Variants in LRIT1 observed in about 807,000 individuals in gnomAD.
LRIT1 encodes leucine-rich repeat, immunoglobulin-like domain and transmembrane domain-containing protein 1.
Under a neutral mutation model 24.0 loss-of-function variants are expected in LRIT1, and 23 were observed. The observed-to-expected ratio is 0.96, with a 90% CI of 0.69 to 1.36. The LOEUF (loss-of-function observed/expected upper bound fraction) is 1.36. Among genes scored for constraint, LRIT1 ranks in the 40% most tolerant of loss-of-function variants. LRIT1 has a pLI of 0.00. For missense variants in LRIT1, 846 were observed against 806.3 expected, an observed-to-expected ratio of 1.05 and a Z score of -0.60; for synonymous variants, 361 against 340.5, an observed-to-expected ratio of 1.06 and a Z score of -0.66.
chr10:84,240,012 G>T (rs12049676), intron 1 of LRIT1, among the ~76,000 whole-genome samples: 6 of 152,322 alleles, frequency 3.9e-5, no homozygotes, highest in Middle Eastern at 6.8e-3. Flanking sequence ...TTACATTAGC[G>T]GCCCTAGAAA....
chr10:84,241,188 A>C (rs1275151948), intron 1 of LRIT1, 130 bp downstream of exon 1: 4 of 1,353,032 alleles, frequency 3.0e-6, no homozygotes, highest in Admixed American at 3.9e-5. Context: ...ACCCCATAGG[A>C]TCCCTGGTCC....
Position 84,237,210 on chromosome 10 carries a change from C to T in LRIT1, c.589+10G>A, listed in dbSNP as rs1188782643. On this transcript the variant is annotated intron_variant, in intron 2 of 3. Transcript: ENST00000372105. The stretch of plus-strand genomic sequence containing the variant: ...GCCTAAGACCCCAGGTGAAGGTTGC[C>T]GACCCTTACCTAGGACCCGCCTGGG... The T allele has an allele frequency of 5.2e-6, 8 of 1,546,692 alleles. No individual in the cohort carries two copies. In the East Asian group the frequency reaches 7.3e-5, roughly 14 times the overall value.
At chr10:84,239,437 C>T (rs982894096) in intron 1 of LRIT1, among the ~76,000 whole-genome samples, 1 of 152,100 alleles carries the variant, frequency 6.6e-6, no homozygotes, top group African/African-American at 2.4e-5. Context: ...AGAGCAAGAC[C>T]CTGTCTCAAA....
At chr10:84,234,890 C>T (rs1292283252) in intron 2 of LRIT1, among the ~76,000 whole-genome samples, 1 of 152,164 alleles carries the variant, frequency 6.6e-6, no homozygotes. Flanking sequence ...AGCAGGGTGA[C>T]AGGGCCAGAA....
In LRIT1 at chr10:84,236,515, A is replaced by G. The variant is rs78144179; in HGVS notation, c.589+705T>C. ...CATTTGTAGTAATTTAGAAAGATCT[A>G]CGAGATATAGTGTTGGGTCAAAAAG... is the stretch of plus-strand genomic sequence containing the variant. On this transcript the variant is annotated intron_variant, in intron 2 of 3. Transcript: ENST00000372105. Among the ~76,000 whole-genome samples the G allele has an allele frequency of 3.4e-3, 512 of 152,362 alleles. 3 individuals carry two copies. The highest frequency in any genetic ancestry group is 0.012 in the African/African-American group (482 of 41,586).
intron 3 of LRIT1, 78 bp downstream of exon 3, chr10:84,233,995 T>C: frequency 1.5e-6 from 2 of 1,353,212 alleles, no homozygotes; most frequent in East Asian, 5.1e-5. Flanking sequence ...CCTCTGGCCC[T>C]GCCAAATCCC....
Position 84,231,841 on chromosome 10 carries a change from G to T in LRIT1, c.*86C>A. The T allele has an allele frequency of 6.9e-7, 1 of 1,456,170 alleles. No homozygotes were observed. The highest frequency in any genetic ancestry group is 9.2e-7 in the Non-Finnish European group (1 of 1,084,346). 90.2% of individuals were successfully genotyped at this position (1,456,170 alleles called of 1,614,324 possible). A position where few individuals can be genotyped will look rare whatever the true frequency, so the allele number is the denominator to read the frequency against. ...TCTGAGTAAGCAGGTACCCGAGCAG[G>T]TAAGAGTGGGTGATCGTGTACTCAG... On this transcript the variant is annotated 3_prime_UTR_variant, in exon 4 of 4. Transcript: ENST00000372105.
chr10:84,234,016 G>A (rs748999965), intron 3 of LRIT1, 57 bp downstream of exon 3: 22 of 1,366,418 alleles, frequency 1.6e-5, no homozygotes, highest in Non-Finnish European at 1.8e-5. Flanking sequence ...CATTTGGGGA[G>A]CTGCTTTGCC....
At chr10:84,233,303 G>A (rs1842618870) in intron 3 of LRIT1, among the ~76,000 whole-genome samples, 1 of 152,000 alleles carries the variant, frequency 6.6e-6, no homozygotes, top group Admixed American at 6.6e-5. Flanking sequence ...TGAGTAGCTG[G>A]GACCACAGGC....
At chr10:84,238,536 A>G (rs1842670541) in intron 1 of LRIT1, among the ~76,000 whole-genome samples, 2 of 152,124 alleles carry the variant, frequency 1.3e-5, no homozygotes, top group Admixed American at 6.6e-5. Context: ...TGGCAGCCCC[A>G]CAGCTGGATT....
Position 84,231,964 on chromosome 10 carries a change from A to T in LRIT1, c.1835T>A (p.Val612Asp). Residue 612 changes from valine (V) to aspartate (D), a missense_variant, in exon 4 of 4, where the codon GTC (valine) becomes GAC (aspartate). By Grantham distance (152) the Val-to-Asp change is radical. Transcript: ENST00000372105. The stretch of plus-strand genomic sequence containing the variant: ...CTCATTGATTCTCCTGCCCCCTTTG[A>T]CTCCAAAGGCCTGAAAGTCCACACT... ...RSSVDFQAFGVKGGRRINEYF... is the reference protein window; with the variant it reads ...RSSVDFQAFGDKGGRRINEYF... 1.9e-6 allele frequency: 3 copies of T among 1,611,408 alleles called. No homozygotes were observed. In the South Asian group the frequency reaches 3.3e-5, roughly 18 times the overall value.
rs202211782 is a variant in LRIT1, at chr10:84,233,417, C to T, written c.896-514G>A. Among the ~76,000 whole-genome samples the T allele has an allele frequency of 3.3e-5, 5 of 152,236 alleles. No individual in the cohort carries two copies. In the East Asian group the frequency reaches 5.8e-4, roughly 18 times the overall value. On this transcript the variant is annotated intron_variant, in intron 3 of 3. Transcript: ENST00000372105. ...TCCTAGACTCCAGCAATCCTCCTGC[C>T]TCAGCCTCCCAAAGTGCTAGGATTG...
rs781504974 is a variant in LRIT1, at chr10:84,232,554, C to T, written c.1245G>A (p.Leu415=). The change falls in exon 4 of 4, where the codon CTG becomes CTA. Residue 415 remains leucine, a synonymous_variant. Coordinates refer to ENST00000372105, the MANE Select transcript of LRIT1 (RefSeq NM_015613.3). ...CTGCCCGCCCATCAGAGAGCTCTCC[C>T]AGGGCATCCATCTGGAAGTGCTCAA... is the stretch of plus-strand genomic sequence containing the variant. ...LTLEHFQMDA[L]GELSDGRAGP... 1 of 1,614,204 alleles carries T rather than the reference C, an allele frequency of 6.2e-7. No homozygotes were observed. The highest frequency in any genetic ancestry group is 1.1e-5 in the South Asian group (1 of 91,086).
intron 1 of LRIT1, 73 bp from the exon 2 acceptor site, chr10:84,237,759 C>G: frequency 1.7e-6 from 2 of 1,186,452 alleles, no homozygotes; most frequent in Non-Finnish European, 2.4e-6. Context: ...TACCTCCCTT[C>G]GCGAGGCCTC....
In LRIT1 at chr10:84,234,057, C is replaced by T. The variant is rs890269476; in HGVS notation, c.895+16G>A. The stretch of plus-strand genomic sequence containing the variant: ...CAGTCTAGGTTCTCAGTGCAGCATC[C>T]CTGTAGCTCACATACCTGTACCATT... On this transcript the variant is annotated intron_variant, in intron 3 of 3. Coordinates refer to ENST00000372105, the MANE Select transcript of LRIT1 (RefSeq NM_015613.3). The T allele has an allele frequency of 6.8e-7, 1 of 1,470,630 alleles. No homozygotes were observed. The highest frequency in any genetic ancestry group is 1.4e-5 in the African/African-American group (1 of 70,732). The allele number at this position is 1,470,630 out of a possible 1,614,324, so 91.1% of individuals were successfully genotyped here. A position where few individuals can be genotyped will look rare whatever the true frequency, so the allele number is the denominator to read the frequency against.
chr10:84,240,831 G>A (rs1842685591), intron 1 of LRIT1, among the ~76,000 whole-genome samples: 2 of 152,104 alleles, frequency 1.3e-5, no homozygotes, highest in South Asian at 4.1e-4. Flanking sequence ...GAGAATGAGA[G>A]GCAAGTGGTC....
chr10:84,239,848 T>G (rs1842678871), intron 1 of LRIT1, among the ~76,000 whole-genome samples: 1 of 152,250 alleles, frequency 6.6e-6, no homozygotes, highest in African/African-American at 2.4e-5. Context: ...CTGCACAGTC[T>G]GTGCCCATAG....
chr10:84,232,550 C>T lies in LRIT1; in HGVS notation c.1249G>A (p.Glu417Lys). ...GGTCCTGCCCGCCCATCAGAGAGCTCTCCCAGGGCATCCATCTGGAAGTGC... is the reference window on the plus strand; with the variant it reads ...GGTCCTGCCCGCCCATCAGAGAGCTTTCCCAGGGCATCCATCTGGAAGTGC... ...LEHFQMDALG[E>K]LSDGRAGPSE... The change falls in exon 4 of 4, where the codon GAG becomes AAG. Residue 417 changes from glutamate (E) to lysine (K), a missense_variant. Transcript: ENST00000372105. 6.2e-7 allele frequency: 1 copy of T among 1,614,218 alleles called. No individual in the cohort carries two copies. The highest frequency in any genetic ancestry group is 2.2e-5 in the East Asian group (1 of 44,874).
chr10:84,239,524 TTA>T (rs932486218), intron 1 of LRIT1, among the ~76,000 whole-genome samples: 75 of 152,218 alleles, frequency 4.9e-4, no homozygotes, highest in African/African-American at 1.6e-3. Flanking sequence ...ATTGGAAAAC[TTA>T]TCTTGAACGG....
Sources: allele counts gnomAD v4.1 joint callset (sites outside exome capture counted in the v4.1 genomes callset), GRCh38; gene constraint gnomAD v4.1.1; transcripts MANE v1.5; gene names NCBI Gene and HGNC (gene_info 2026-07-23, HGNC 2026-07-21).